The following TBX4 variants were observed in gnomAD, a reference collection of about 807,000 sequenced individuals.
TBX4 encodes the protein T-box transcription factor TBX4.
In TBX4, 13 loss-of-function variants were observed where a neutral mutation model predicts 54.6. The observed-to-expected ratio is 0.24, with a 90% CI of 0.15 to 0.38. The LOEUF is 0.38. TBX4 is among the 10% of genes least tolerant of loss of function. The pLI, the probability that TBX4 is intolerant of heterozygous loss-of-function variation, is 1.00. For missense variants in TBX4, 631 were observed against 728.5 expected (o/e 0.87, Z 1.54); for synonymous variants, 314 against 306.7 (o/e 1.02, Z -0.25).
chr17:61,477,767 C>G (rs902701643), intron 5 of TBX4, among the ~76,000 whole-genome samples: 1 of 151,824 alleles, frequency 6.6e-6, no homozygotes, highest in Non-Finnish European at 1.5e-5. Flanking sequence ...ATGGTGAAAC[C>G]CTGTCTCTTC....
chr17:61,467,664 A>C lies in TBX4; in HGVS notation c.549+7A>C. ...CCTGGACCCCTTTGGCCATGTAAGCATGGGGGCTGCCTGGCCCCAGGAGGC... is the reference window on the plus strand; with the variant it reads ...CCTGGACCCCTTTGGCCATGTAAGCCTGGGGGCTGCCTGGCCCCAGGAGGC... On this transcript the variant is annotated splice_region_variant and intron_variant, in intron 5 of 8. Transcript: ENST00000644296. 1 of 1,614,122 alleles carries C rather than the reference A, an allele frequency of 6.2e-7. No homozygotes were observed.
At chr17:61,468,364 CA>C in intron 5 of TBX4, among the ~76,000 whole-genome samples, 1 of 152,296 alleles carries the variant, frequency 6.6e-6, no homozygotes, top group African/African-American at 2.4e-5. Context: ...ATTTTTAGCT[CA>C]AGTGTGTGGC....
Position 61,474,419 on chromosome 17 carries a change from T to C in TBX4, c.550-4208T>C, listed in dbSNP as rs144591049. On this transcript the variant is annotated intron_variant, in intron 5 of 8. Transcript: ENST00000644296. This position sits in a 1 kb window ranked among gnomAD's most constrained non-coding sequence, Gnocchi z 4.6. ...GCTGTGTGTTCCTGGGCGAGTCACG[T>C]CTCCACTACCAGCATTCTGTTCCTC... Among the ~76,000 whole-genome samples the C allele has an allele frequency of 1.8e-3, 280 of 152,242 alleles. No homozygotes were observed. Among genetic ancestry groups the C allele is most frequent in the Middle Eastern group, 0.014 (4 of 294 alleles).
Position 61,478,789 on chromosome 17 carries a change from C to T in TBX4, c.702+10C>T. The T allele has an allele frequency of 1.2e-6, 2 of 1,614,100 alleles. No homozygotes were observed. Among genetic ancestry groups the T allele is most frequent in the Non-Finnish European group, 8.5e-7 (1 of 1,179,938 alleles). ...CTACCAGAATCACAAGGTACAGCCA[C>T]TGCCCCACTGCCCCACAGCCCCACT... On this transcript the variant is annotated intron_variant, in intron 6 of 8. Transcript: ENST00000644296. This position sits in a 1 kb window ranked among gnomAD's most constrained non-coding sequence, Gnocchi z 7.4.
intron 5 of TBX4, among the ~76,000 whole-genome samples, chr17:61,471,905 T>TA (rs1420454642): frequency 2.1e-4 from 31 of 144,834 alleles, no homozygotes; most frequent in African/African-American, 7.5e-4. Flanking sequence ...TTTTTTTTTT[T>TA]TTTTTTTTTT....
intron 5 of TBX4, among the ~76,000 whole-genome samples, chr17:61,477,541 T>C (rs1452278125): frequency 2.6e-5 from 4 of 152,218 alleles, no homozygotes; most frequent in Non-Finnish European, 1.5e-5. Context: ...CTTGAACGCT[T>C]GAAGAGCTTC....
Position 61,481,128 on chromosome 17 carries a change from A to G in TBX4, c.1021+809A>G, listed in dbSNP as rs1028828377. 2.6e-5 allele frequency among the ~76,000 whole-genome samples: 4 copies of G among 152,294 alleles called. No individual in the cohort carries two copies. The highest frequency in any genetic ancestry group is 4.4e-5 in the Non-Finnish European group (3 of 68,024). On this transcript the variant is annotated intron_variant, in intron 8 of 8. Coordinates refer to ENST00000644296, the MANE Select transcript of TBX4 (RefSeq NM_001321120.2). The surrounding 1 kb of genome is among the most constrained non-coding windows in gnomAD (Gnocchi z 4.8). The stretch of plus-strand genomic sequence containing the variant: ...CCTGTACAAGTCTCATTAGAACTCA[A>G]TGACCTAGAGCACGGGTTGGCAAAC...
rs1276044527 is a variant in TBX4, at chr17:61,465,050, G to C, written c.282-769G>C. Among the ~76,000 whole-genome samples the C allele has an allele frequency of 1.3e-5, 2 of 152,194 alleles. No individual in the cohort carries two copies. Among genetic ancestry groups the C allele is most frequent in the Non-Finnish European group, 2.9e-5 (2 of 68,036 alleles). ...AGAGATAAGGAAACCAAGGCACAGA[G>C]AGGTTCAAGCAAGTTGCCTAAGGCT... On this transcript the variant is annotated intron_variant, in intron 3 of 8. Coordinates refer to ENST00000644296, the MANE Select transcript of TBX4 (RefSeq NM_001321120.2). This position sits in a 1 kb window ranked among gnomAD's most constrained non-coding sequence, Gnocchi z 4.9.
intron 1 of TBX4, chr17:61,452,855 A>C: frequency 1.1e-6 from 1 of 909,882 alleles, no homozygotes; most frequent in Non-Finnish European, 1.3e-6. Flanking sequence ...AAGAGCATAG[A>C]AATATCGACA....
rs1214744056 is a variant in TBX4 at position 61,475,633 on chromosome 17, G to A, written c.550-2994G>A. Among the ~76,000 whole-genome samples, 1 of 152,190 alleles carries A rather than the reference G, an allele frequency of 6.6e-6. No homozygotes were observed. The highest frequency in any genetic ancestry group is 1.5e-5 in the Non-Finnish European group (1 of 68,036). On this transcript the variant is annotated intron_variant, in intron 5 of 8. Coordinates refer to ENST00000644296, the MANE Select transcript of TBX4 (RefSeq NM_001321120.2). The surrounding 1 kb of genome is among the most constrained non-coding windows in gnomAD (Gnocchi z 5.0). ...ACCTGGAGGTGGATGACAGTGAGGA[G>A]GAGGGGAGTTGATGATGATACCCAG...
intron 1 of TBX4, chr17:61,452,813 T>C (rs1264377980): frequency 2.8e-6 from 2 of 712,636 alleles, no homozygotes. Flanking sequence ...CCCTCCTCTC[T>C]GAGTAACGCG....
chr17:61,471,862 A>C lies in TBX4; in HGVS notation c.549+4205A>C, dbSNP rs373570652. On this transcript the variant is annotated intron_variant, in intron 5 of 8. Transcript: ENST00000644296. Reference sequence around the variant, plus strand: ...TGCCTCAGCCTCCTGAATAGCTGGGATTACAGGTGCCTGCCACTATGCCCA... The same window carrying C: ...TGCCTCAGCCTCCTGAATAGCTGGGCTTACAGGTGCCTGCCACTATGCCCA... Among the ~76,000 whole-genome samples the C allele has an allele frequency of 4.2e-5, 6 of 142,304 alleles. No homozygotes were observed. The South Asian group carries it at 1.2e-3, about 28-fold the overall frequency. 93.4% of individuals were successfully genotyped at this position (142,304 alleles called of 152,430 possible).
chr17:61,474,151 T>C lies in TBX4; in HGVS notation c.550-4476T>C, dbSNP rs1313827718. On this transcript the variant is annotated intron_variant, in intron 5 of 8. Transcript: ENST00000644296. This position sits in a 1 kb window ranked among gnomAD's most constrained non-coding sequence, Gnocchi z 4.6. ...ATCAGAAGGATGATGGAGAAGGTAGTCACAGAAAATAAAATTATGATGCAG... is the reference window on the plus strand; with the variant it reads ...ATCAGAAGGATGATGGAGAAGGTAGCCACAGAAAATAAAATTATGATGCAG... 1.3e-5 allele frequency among the ~76,000 whole-genome samples: 2 copies of C among 152,198 alleles called. No homozygotes were observed. The highest frequency in any genetic ancestry group is 4.8e-5 in the African/African-American group (2 of 41,452).
At position 61,457,711 on chromosome 17, in the gene TBX4, GC is replaced by G; in HGVS notation, c.281+84del. The G allele has an allele frequency of 1.4e-6, 2 of 1,394,670 alleles. No individual in the cohort carries two copies. The highest frequency in any genetic ancestry group is 1.9e-4 in the Middle Eastern group (1 of 5,344). 86.4% of individuals were successfully genotyped at this position (1,394,670 alleles called of 1,614,324 possible). A position where few individuals can be genotyped will look rare whatever the true frequency, so the allele number is the denominator to read the frequency against. On this transcript the variant is annotated intron_variant, in intron 3 of 8. Transcript: ENST00000644296. This position sits in a 1 kb window ranked among gnomAD's most constrained non-coding sequence, Gnocchi z 8.2. ...GGGAGGTCCCTTAGAAGTCCTCTCG[GC>G]CCCGGCCTGGTGGCCTGTGGGAGGC...
Position 61,467,492 on chromosome 17 carries a change from T to C in TBX4, c.402-18T>C, listed in dbSNP as rs1179558002. The C allele has an allele frequency of 3.7e-6, 6 of 1,614,098 alleles. No individual in the cohort carries two copies. The highest frequency in any genetic ancestry group is 5.1e-6 in the Non-Finnish European group (6 of 1,180,042). On this transcript the variant is annotated intron_variant, in intron 4 of 8. Transcript: ENST00000644296. ...AGCCCCTGGAGTAATCACCTGCTCT[T>C]ATCTGCTCTGTTGGCAGGATGGTGG...
rs572443973 is a variant in TBX4, at chr17:61,468,147, C to T, written c.549+490C>T. Among the ~76,000 whole-genome samples the T allele has an allele frequency of 3.9e-5, 6 of 152,238 alleles. No individual in the cohort carries two copies. In the East Asian group the frequency reaches 7.8e-4, roughly 20 times the overall value. ...TCCAAAGCCCCTCTTTGGTGTGTAC[C>T]GTCTGCCTGGCCTGACAGCCGCCTG... is the stretch of plus-strand genomic sequence containing the variant. On this transcript the variant is annotated intron_variant, in intron 5 of 8. Coordinates refer to ENST00000644296, the MANE Select transcript of TBX4 (RefSeq NM_001321120.2).
intron 5 of TBX4, among the ~76,000 whole-genome samples, chr17:61,468,578 C>T (rs1159295926): frequency 6.6e-6 from 1 of 152,190 alleles, no homozygotes; most frequent in African/African-American, 2.4e-5. Context: ...AAACTCCAGC[C>T]ATGCTTCTTT....
chr17:61,467,805 C>T (rs1176057862), intron 5 of TBX4, 148 bp downstream of exon 5: 3 of 964,356 alleles, frequency 3.1e-6, no homozygotes, highest in African/African-American at 3.3e-5. Context: ...GGAGCTCAAG[C>T]CTCTGAGGCC....
rs1311454924 is a variant in TBX4, at chr17:61,479,312, C to G, written c.702+533C>G. 6.6e-6 allele frequency among the ~76,000 whole-genome samples: 1 copy of G among 152,184 alleles called. No individual in the cohort carries two copies. Among genetic ancestry groups the G allele is most frequent in the Admixed American group, 6.5e-5 (1 of 15,288 alleles). On this transcript the variant is annotated intron_variant, in intron 6 of 8. Transcript: ENST00000644296. The surrounding 1 kb of genome is among the most constrained non-coding windows in gnomAD (Gnocchi z 6.1). ...CCACTGCATCCCAGTCACTGACAGCCGTGCTCTGCCGCCCGTCTGCTTTCC... is the reference window on the plus strand; with the variant it reads ...CCACTGCATCCCAGTCACTGACAGCGGTGCTCTGCCGCCCGTCTGCTTTCC...
Sources: allele counts gnomAD v4.1 joint callset (sites outside exome capture counted in the v4.1 genomes callset), GRCh38; gene constraint gnomAD v4.1.1; non-coding constraint Gnocchi (gnomAD v3.1); transcripts MANE v1.5; gene names NCBI Gene and HGNC (gene_info 2026-07-23, HGNC 2026-07-21).